The following CLSTN2 variants were observed in gnomAD, a reference collection of about 807,000 sequenced individuals.
CLSTN2 encodes the protein calsyntenin 2, also known as calsyntenin-2.
In CLSTN2, 48 loss-of-function variants were observed where a neutral mutation model predicts 101.2. That is an observed-to-expected ratio of 0.47 (90% confidence interval 0.38 to 0.60). CLSTN2 has a LOEUF of 0.60. Among genes scored for constraint, CLSTN2 ranks in the 20% least tolerant of loss-of-function variants. The pLI is 0.00. For missense variants in CLSTN2, 1,160 were observed against 1,238.2 expected (o/e 0.94, Z 0.95); for synonymous variants, 481 against 463.6 (o/e 1.04, Z -0.48).
intron 1 of CLSTN2, among the ~76,000 whole-genome samples, chr3:140,051,527 A>G (rs2007992685): frequency 6.6e-6 from 1 of 152,130 alleles, no homozygotes; most frequent in Non-Finnish European, 1.5e-5. Flanking sequence ...AGGGAGGAGC[A>G]ATAGTGCCGT....
chr3:140,321,878 G>T (rs1410959744), intron 2 of CLSTN2, among the ~76,000 whole-genome samples: 1 of 152,182 alleles, frequency 6.6e-6, no homozygotes, highest in East Asian at 1.9e-4. Context: ...CCTTGAGAAC[G>T]CAGGCTCGTA....
intron 1 of CLSTN2, among the ~76,000 whole-genome samples, chr3:140,021,251 C>T (rs2007310059): frequency 6.6e-6 from 1 of 152,176 alleles, no homozygotes; most frequent in African/African-American, 2.4e-5. Context: ...GTTACTGCCC[C>T]TTGTGCTCAT....
chr3:140,334,030 G>T (rs1024998461), intron 2 of CLSTN2, among the ~76,000 whole-genome samples: 3 of 152,116 alleles, frequency 2.0e-5, no homozygotes, highest in Non-Finnish European at 4.4e-5. Context: ...AGAAGAAGGC[G>T]GGGGGTAGAA....
In CLSTN2 at chr3:140,300,306, GC is replaced by G. The variant is rs534325946; in HGVS notation, c.233-103322del. Among the ~76,000 whole-genome samples the G allele has an allele frequency of 3.8e-4, 58 of 152,314 alleles. No homozygotes were observed. The South Asian group carries it at 5.2e-3, about 14-fold the overall frequency. ...TTACAGGTCTTGCTGGTTCTTTGAT[GC>G]TGATTAATGCCCTTCAACCAAAATT... On this transcript the variant is annotated intron_variant, in intron 2 of 16. Coordinates refer to ENST00000458420, the MANE Select transcript of CLSTN2 (RefSeq NM_022131.3).
At chr3:140,322,367 G>T (rs1348323464) in intron 2 of CLSTN2, among the ~76,000 whole-genome samples, 1 of 152,204 alleles carries the variant, frequency 6.6e-6, no homozygotes, top group Non-Finnish European at 1.5e-5. Flanking sequence ...GAGGACTAGG[G>T]ATAGAAACAC....
At chr3:140,460,490 A>G (rs1361122903) in intron 7 of CLSTN2, 4 of 152,250 alleles carry the variant, frequency 2.6e-5, no homozygotes, top group African/African-American at 9.7e-5. Context: ...CAAAGGAAAT[A>G]TGATAATCTG....
At chr3:140,025,571 G>A (rs1241371623) in intron 1 of CLSTN2, among the ~76,000 whole-genome samples, 1 of 152,218 alleles carries the variant, frequency 6.6e-6, no homozygotes, top group Non-Finnish European at 1.5e-5. Context: ...CAATGCTCTT[G>A]TTGATGGGGT....
intron 2 of CLSTN2, among the ~76,000 whole-genome samples, chr3:140,371,422 C>T (rs2087855460): frequency 2.0e-5 from 3 of 152,162 alleles, no homozygotes; most frequent in Admixed American, 2.0e-4. Context: ...AAGGACTGAC[C>T]ATGTTGTTAC....
At chr3:140,510,690 G>A (rs994856336) in intron 8 of CLSTN2, among the ~76,000 whole-genome samples, 4 of 152,182 alleles carry the variant, frequency 2.6e-5, no homozygotes, top group Non-Finnish European at 2.9e-5. Context: ...TTTCTGAGCT[G>A]TCATGATTAC....
chr3:140,548,611 A>G (rs1413485330), intron 10 of CLSTN2, among the ~76,000 whole-genome samples: 2 of 152,214 alleles, frequency 1.3e-5, no homozygotes, highest in Admixed American at 6.5e-5. Flanking sequence ...AAGTCATTCC[A>G]GGCAGATCCA....
At chr3:140,507,638 T>C (rs1252406201) in intron 8 of CLSTN2, 2 of 152,132 alleles carry the variant, frequency 1.3e-5, no homozygotes, top group Non-Finnish European at 2.9e-5. Flanking sequence ...CACTTTCTGA[T>C]CTCCAAAACT....
intron 2 of CLSTN2, among the ~76,000 whole-genome samples, chr3:140,224,508 C>T (rs1449703321): frequency 6.6e-6 from 1 of 152,164 alleles, no homozygotes; most frequent in Non-Finnish European, 1.5e-5. Flanking sequence ...ATTATGTGTT[C>T]ATGTGCGTGC....
chr3:140,404,858 C>A, intron 4 of CLSTN2, 92 bp downstream of exon 4: 3 of 1,056,802 alleles, frequency 2.8e-6, no homozygotes, highest in Non-Finnish European at 4.3e-6. Context: ...ATATGCTTGG[C>A]AAGTTATGCC....
intron 1 of CLSTN2, among the ~76,000 whole-genome samples, chr3:140,171,740 AATATATAATATG>A (rs2010226666): frequency 1.9e-5 from 2 of 107,410 alleles, no homozygotes; most frequent in African/African-American, 7.4e-5. Flanking sequence ...ATAATATATT[AATATATAATATG>A]TATAATATAT....
intron 2 of CLSTN2, among the ~76,000 whole-genome samples, chr3:140,314,548 C>T (rs9814920): frequency 0.078 from 11,830 of 152,174 alleles, 602 homozygotes; most frequent in East Asian, 0.18. Flanking sequence ...TCCTCTGCCC[C>T]CATGATACCC....
intron 1 of CLSTN2, among the ~76,000 whole-genome samples, chr3:140,174,913 A>G (rs1487251280): frequency 1.3e-5 from 2 of 152,204 alleles, no homozygotes; most frequent in Non-Finnish European, 2.9e-5. Flanking sequence ...AGAAATATGA[A>G]ATCAAGGTGT....
At chr3:140,455,494 T>A (rs1933376796) in intron 6 of CLSTN2, among the ~76,000 whole-genome samples, 1 of 152,244 alleles carries the variant, frequency 6.6e-6, no homozygotes. Context: ...ATCTATTTTC[T>A]GGCTCAGAGT....
At chr3:140,357,795 A>G (rs1432841801) in intron 2 of CLSTN2, among the ~76,000 whole-genome samples, 1 of 152,180 alleles carries the variant, frequency 6.6e-6, no homozygotes, top group South Asian at 2.1e-4. Flanking sequence ...CATCTTCAGC[A>G]TGGCCCAGGG....
intron 2 of CLSTN2, among the ~76,000 whole-genome samples, chr3:140,213,347 G>C (rs751890523): frequency 1.8e-4 from 27 of 152,188 alleles, no homozygotes; most frequent in Non-Finnish European, 3.5e-4. Flanking sequence ...CCAGGACTAG[G>C]CAGGGGTAGG....
Sources: allele counts gnomAD v4.1 joint callset (sites outside exome capture counted in the v4.1 genomes callset), GRCh38; gene constraint gnomAD v4.1.1; transcripts MANE v1.5; gene names NCBI Gene and HGNC (gene_info 2026-07-23, HGNC 2026-07-21).